The following ZRANB3 variants were observed in gnomAD, a reference collection of about 807,000 sequenced individuals.
The protein encoded by ZRANB3 is zinc finger RANBP2-type containing 3, also known as DNA annealing helicase and endonuclease ZRANB3.
Under a neutral mutation model 133.8 loss-of-function variants are expected in ZRANB3, and 125 were observed. The observed-to-expected ratio is 0.93, with a 90% CI of 0.81 to 1.08. The LOEUF is 1.08. Among genes scored for constraint, ZRANB3 ranks in the 50% least tolerant of loss-of-function variants. ZRANB3 has a pLI of 0.00. For synonymous variants in ZRANB3, 387 were observed against 432.7 expected (o/e 0.89, Z 1.31); for missense variants, 1,229 against 1,275.5 (o/e 0.96, Z 0.56).
At chr2:135,461,229 T>C (rs1440330278) in intron 2 of ZRANB3, among the ~76,000 whole-genome samples, 2 of 152,180 alleles carry the variant, frequency 1.3e-5, no homozygotes, top group South Asian at 4.1e-4. Flanking sequence ...ATGGCTGGTA[T>C]ACTTGTTTGA....
intron 19 of ZRANB3, among the ~76,000 whole-genome samples, chr2:135,207,214 T>C (rs1003403953): frequency 3.3e-5 from 5 of 150,382 alleles, no homozygotes; most frequent in African/African-American, 1.2e-4. Context: ...AATAAATAAA[T>C]AAAATATTCT....
rs142934387 is a variant in ZRANB3 at position 135,521,354 on chromosome 2, C to T, written c.-8+9773G>A. Among the ~76,000 whole-genome samples, 907 of 152,212 alleles carry T rather than the reference C, an allele frequency of 6.0e-3. 11 individuals are homozygous for T. Among genetic ancestry groups the T allele is most frequent in the African/African-American group, 0.021 (860 of 41,512 alleles). ...ATGAGGTCAGGAGTTCAAGACCAGC[C>T]TCATCAACATGGTGAAACCTTGTCT... On this transcript the variant is annotated intron_variant, in intron 1 of 20. Coordinates refer to ENST00000264159, the MANE Select transcript of ZRANB3 (RefSeq NM_032143.4).
intron 6 of ZRANB3, among the ~76,000 whole-genome samples, chr2:135,321,802 A>T (rs1469057325): frequency 6.6e-6 from 1 of 152,122 alleles, no homozygotes; most frequent in African/African-American, 2.4e-5. Context: ...ATATTATTTT[A>T]AAAATTCCTT....
At chr2:135,220,698 A>AAC in intron 15 of ZRANB3, among the ~76,000 whole-genome samples, 1 of 88,258 alleles carries the variant, frequency 1.1e-5, no homozygotes, top group Non-Finnish European at 1.9e-5. Flanking sequence ...ACTCCATCTC[A>AAC]AAAAAAAAAA....
intron 2 of ZRANB3, among the ~76,000 whole-genome samples, chr2:135,469,244 G>GACACACACACACAC (rs149939641): frequency 6.8e-6 from 1 of 147,756 alleles, no homozygotes; most frequent in African/African-American, 2.5e-5. Context: ...CATGCATGCA[G>GACACACACACACAC]ACACACACAC....
At chr2:135,265,733 G>A in intron 11 of ZRANB3, 47 bp from the exon 12 acceptor site, 1 of 1,547,536 alleles carries the variant, frequency 6.5e-7, no homozygotes, top group Non-Finnish European at 8.7e-7. Flanking sequence ...TCACCTCACA[G>A]CTGAAATTCA....
rs546704897 is a variant in ZRANB3, at chr2:135,418,643, T to C, written c.162-27823A>G. Among the ~76,000 whole-genome samples, 33 of 152,250 alleles carry C rather than the reference T, an allele frequency of 2.2e-4. No homozygotes were observed. In the South Asian group the frequency reaches 5.8e-3, roughly 27 times the overall value. Reference sequence around the variant, plus strand: ...TGGGTGGTACTTAAAACTATGAGAATGGATGATAGCCTCAGGAATTTAGGT... The same window carrying C: ...TGGGTGGTACTTAAAACTATGAGAACGGATGATAGCCTCAGGAATTTAGGT... On this transcript the variant is annotated intron_variant, in intron 2 of 20. Transcript: ENST00000264159.
chr2:135,235,337 C>T (rs1695237433), intron 12 of ZRANB3, among the ~76,000 whole-genome samples: 1 of 152,288 alleles, frequency 6.6e-6, no homozygotes, highest in East Asian at 1.9e-4. Context: ...GATGGATTCA[C>T]AGCCAAATTC....
At chr2:135,371,790 C>G (rs1686192274) in intron 3 of ZRANB3, among the ~76,000 whole-genome samples, 1 of 152,124 alleles carries the variant, frequency 6.6e-6, no homozygotes, top group African/African-American at 2.4e-5. Flanking sequence ...GTTAAAATCT[C>G]TAACCCTGAA....
chr2:135,406,502 A>G (rs541936723), intron 2 of ZRANB3, among the ~76,000 whole-genome samples: 1 of 152,274 alleles, frequency 6.6e-6, no homozygotes, highest in Admixed American at 6.5e-5. Context: ...ACCAAAGCCT[A>G]GCAGAGACAA....
intron 12 of ZRANB3, among the ~76,000 whole-genome samples, chr2:135,254,428 A>G (rs1173825068): frequency 1.3e-5 from 2 of 151,382 alleles, no homozygotes; most frequent in East Asian, 3.9e-4. Flanking sequence ...CGCATTCTCA[A>G]AATTTAGCAT....
chr2:135,329,139 C>T (rs1426109911), intron 6 of ZRANB3, among the ~76,000 whole-genome samples: 1 of 152,194 alleles, frequency 6.6e-6, no homozygotes, highest in Non-Finnish European at 1.5e-5. Context: ...TTGCCCATGC[C>T]TATATCCTGA....
At chr2:135,528,886 A>G (rs1436145758) in intron 1 of ZRANB3, among the ~76,000 whole-genome samples, 1 of 152,234 alleles carries the variant, frequency 6.6e-6, no homozygotes, top group East Asian at 1.9e-4. Context: ...AGTAAAAACA[A>G]TGCAAAGAGG....
Position 135,497,604 on chromosome 2 carries a change from C to T in ZRANB3, c.161+6725G>A, listed in dbSNP as rs75905849. On this transcript the variant is annotated intron_variant, in intron 2 of 20. Coordinates refer to ENST00000264159, the MANE Select transcript of ZRANB3 (RefSeq NM_032143.4). ...CACATAAAGAATATTTCCATCACAG[C>T]GGAAAGTTCCATTAGACAGCACTTA... Among the ~76,000 whole-genome samples the T allele has an allele frequency of 6.5e-3, 996 of 152,222 alleles. 4 individuals carry two copies. The highest frequency in any genetic ancestry group is 0.022 in the South Asian group (107 of 4,816).
chr2:135,404,666 G>C (rs1293678137), intron 2 of ZRANB3, among the ~76,000 whole-genome samples: 1 of 152,118 alleles, frequency 6.6e-6, no homozygotes, highest in Admixed American at 6.6e-5. Flanking sequence ...CACCAAAGTT[G>C]AAATGAAGGA....
intron 2 of ZRANB3, among the ~76,000 whole-genome samples, chr2:135,397,183 T>C (rs1687529732): frequency 6.6e-6 from 1 of 151,644 alleles, no homozygotes; most frequent in South Asian, 2.1e-4. Context: ...TGGCTCATGA[T>C]TATAACCCCA....
intron 13 of ZRANB3, among the ~76,000 whole-genome samples, chr2:135,229,602 C>T (rs1351281444): frequency 6.6e-6 from 1 of 151,916 alleles, no homozygotes; most frequent in Non-Finnish European, 1.5e-5. Context: ...CTCCTGACCT[C>T]GTGATCCGCC....
intron 14 of ZRANB3, among the ~76,000 whole-genome samples, chr2:135,225,128 C>A (rs1283359165): frequency 6.6e-6 from 1 of 152,136 alleles, no homozygotes; most frequent in African/African-American, 2.4e-5. Flanking sequence ...TGAGCACATA[C>A]AATGTGCCAG....
At chr2:135,351,342 A>C (rs1685198348) in intron 4 of ZRANB3, among the ~76,000 whole-genome samples, 1 of 142,500 alleles carries the variant, frequency 7.0e-6, no homozygotes, top group Non-Finnish European at 1.5e-5. Flanking sequence ...ATCTTGGCTC[A>C]CTGCAAGCTC....
Sources: gnomAD v4.1 joint callset for allele counts (sites outside exome capture counted in the v4.1 genomes callset) on GRCh38, gnomAD v4.1.1 for gene constraint, MANE v1.5 for transcripts, NCBI Gene and HGNC (gene_info 2026-07-23, HGNC 2026-07-21) for gene names.